The following DEFB110 variants were observed in gnomAD, a reference collection of about 807,000 sequenced individuals.
DEFB110 encodes beta-defensin 110.
A neutral mutation model predicts 2.5 loss-of-function variants in DEFB110; 4 were observed. That is an observed-to-expected ratio of 1.60 (90% CI 0.79 to 3.66). DEFB110 has a LOEUF of 3.66. DEFB110 is among the 30% of genes most tolerant of loss of function. DEFB110 has a pLI of 0.01. For missense variants in DEFB110, 94 were observed against 75.4 expected, an observed-to-expected ratio of 1.25 and a Z score of -0.91; for synonymous variants, 29 against 21.8, an observed-to-expected ratio of 1.33 and a Z score of -0.92.
At chr6:50,011,180 TA>T (rs958870312) in intron 1 of DEFB110, among the ~76,000 whole-genome samples, 1 of 151,190 alleles carries the variant, frequency 6.6e-6, no homozygotes, top group Non-Finnish European at 1.5e-5. Flanking sequence ...TACATATAGA[TA>T]AATATTGATA....
At chr6:50,014,871 G>T (rs2113939286), downstream of DEFB110, among the ~76,000 whole-genome samples, 1 of 151,868 alleles carries the variant, frequency 6.6e-6, no homozygotes, top group African/African-American at 2.4e-5. Context: ...CTCTAATGAA[G>T]GGCTAGTCCC....
downstream of DEFB110, among the ~76,000 whole-genome samples, chr6:50,017,539 C>T (rs553178113): frequency 3.2e-4 from 48 of 151,868 alleles, no homozygotes; most frequent in African/African-American, 8.9e-4. Flanking sequence ...AAACATATAA[C>T]GAGCAGAATA....
Position 50,021,443 on chromosome 6 carries a change from T to C in DEFB110, c.55+438A>G, listed in dbSNP as rs138416112. On this transcript the variant is annotated intron_variant, in intron 1 of 1. Transcript: ENST00000371148. ...TTATTATTTCTGCCTTCAAATACAT[T>C]GTTCAAGTCCAATCTGTCTGAAGTC... Among the ~76,000 whole-genome samples, 1,110 of 152,320 alleles carry C rather than the reference T, an allele frequency of 7.3e-3. 9 individuals are homozygous for C. The highest frequency in any genetic ancestry group is 0.025 in the African/African-American group (1,059 of 41,574).
At chr6:50,014,676 G>C (rs1040439901), downstream of DEFB110, among the ~76,000 whole-genome samples, 5 of 151,622 alleles carry the variant, frequency 3.3e-5, no homozygotes, top group South Asian at 2.1e-4. Flanking sequence ...AGCTCTCCTC[G>C]CAATTTCAAA....
At chr6:50,013,577 T>C (rs754836245) in intron 1 of DEFB110, among the ~76,000 whole-genome samples, 2 of 151,774 alleles carry the variant, frequency 1.3e-5, no homozygotes, top group African/African-American at 4.8e-5. Context: ...ATAGAGAAAT[T>C]TTTGTAGCAG....
At chr6:50,013,514 A>G (rs1234949848) in intron 1 of DEFB110, among the ~76,000 whole-genome samples, 2 of 151,784 alleles carry the variant, frequency 1.3e-5, no homozygotes, top group Non-Finnish European at 2.9e-5. Flanking sequence ...GAGTGGTAAA[A>G]CTGATGATAT....
chr6:50,009,348 C>T, intron 1 of DEFB110: 1 of 1,460,892 alleles, frequency 6.8e-7, no homozygotes, highest in Non-Finnish European at 9.1e-7. Flanking sequence ...AAGACAAAAA[C>T]TGTTCCAGTT....
At chr6:50,010,407 G>A (rs1214901144) in intron 1 of DEFB110, among the ~76,000 whole-genome samples, 2 of 151,584 alleles carry the variant, frequency 1.3e-5, no homozygotes, top group African/African-American at 2.4e-5. Context: ...ATTAGGTTCC[G>A]AAGCAGAGAA....
intron 1 of DEFB110, among the ~76,000 whole-genome samples, chr6:50,011,045 T>C (rs1396828710): frequency 1.3e-5 from 2 of 151,974 alleles, no homozygotes; most frequent in African/African-American, 2.4e-5. Context: ...AAATTGGTTC[T>C]ATTGCTTATA....
intron 1 of DEFB110, among the ~76,000 whole-genome samples, chr6:50,021,004 T>A (rs937084976): frequency 6.6e-6 from 1 of 152,134 alleles, no homozygotes; most frequent in African/African-American, 2.4e-5. Context: ...ATTCTTTGTC[T>A]TATTTCACCT....
rs544651884 is a variant in DEFB110 at position 50,010,965 on chromosome 6, AAAGAAT to A, written c.56-1700_56-1695del. On this transcript the variant is annotated intron_variant, in intron 1 of 1. Coordinates refer to the DEFB110 transcript ENST00000393660. ...TTTGTTCTGACTTTCTAATTATTTT[AAAGAAT>A]AAGAATGTTTTGAGTTATGAGGAAA... 1.5e-3 allele frequency among the ~76,000 whole-genome samples: 224 copies of A among 151,944 alleles called. 3 individuals carry two copies. The highest frequency in any genetic ancestry group is 4.8e-3 in the African/African-American group (198 of 41,524).
chr6:50,016,875 C>T (rs372718588), downstream of DEFB110, among the ~76,000 whole-genome samples: 86 of 151,794 alleles, frequency 5.7e-4, no homozygotes, highest in African/African-American at 1.9e-3. Context: ...AGATGGTTTT[C>T]GTGCTCTCTG....
chr6:50,021,942 G>T lies in DEFB110; in HGVS notation c.-7C>A. The T allele has an allele frequency of 6.5e-7, 1 of 1,540,770 alleles. No individual in the cohort carries two copies. The highest frequency in any genetic ancestry group is 8.7e-7 in the Non-Finnish European group (1 of 1,153,564). On this transcript the variant is annotated 5_prime_UTR_variant, in exon 1 of 2. Transcript: ENST00000371148. ...AAAAAAGTTGAATCTTCATGGTAGA[G>T]AGTTTCTTAAAAAAAGGGGGCAACA...
intron 1 of DEFB110, among the ~76,000 whole-genome samples, chr6:50,020,162 A>C (rs1385694116): frequency 6.6e-6 from 1 of 152,110 alleles, no homozygotes; most frequent in South Asian, 2.1e-4. Flanking sequence ...AAGAAACACA[A>C]AATTTGACAC....
At chr6:50,015,054 TC>T (rs1459226996), downstream of DEFB110, among the ~76,000 whole-genome samples, 1 of 151,784 alleles carries the variant, frequency 6.6e-6, no homozygotes, top group East Asian at 1.9e-4. Flanking sequence ...CTAATATCCT[TC>T]CCATTTTAGT....
At chr6:50,019,230 C>G (rs1397616820) in intron 1 of DEFB110, 105 bp from the exon 2 acceptor site, 1 of 1,213,524 alleles carries the variant, frequency 8.2e-7, no homozygotes, top group Non-Finnish European at 1.1e-6. Context: ...TGAAAATGTC[C>G]ACCTACCTAT....
chr6:50,018,494 C>T (rs907814422), downstream of DEFB110, among the ~76,000 whole-genome samples: 1 of 151,956 alleles, frequency 6.6e-6, no homozygotes, highest in Non-Finnish European at 1.5e-5. Flanking sequence ...CTCTGTCTCT[C>T]TCACAATAAA....
At chr6:50,013,981 T>C (rs1317708877), downstream of DEFB110, among the ~76,000 whole-genome samples, 1 of 151,744 alleles carries the variant, frequency 6.6e-6, no homozygotes, top group African/African-American at 2.4e-5. Context: ...TAAATACTGT[T>C]TTGTGGTTTA....
chr6:50,012,205 A>G (rs1343393891), intron 1 of DEFB110, among the ~76,000 whole-genome samples: 1 of 152,006 alleles, frequency 6.6e-6, no homozygotes, highest in African/African-American at 2.4e-5. Flanking sequence ...ATGCCCTGCT[A>G]TCACATTGTT....
Sources: allele counts gnomAD v4.1 joint callset (sites outside exome capture counted in the v4.1 genomes callset), GRCh38; gene constraint gnomAD v4.1.1; transcripts MANE v1.5; gene names NCBI Gene and HGNC (gene_info 2026-07-23, HGNC 2026-07-21).